Variants in EFNA5 observed in about 807,000 individuals in gnomAD.
The protein encoded by EFNA5 is ephrin A5.
A neutral mutation model predicts 22.9 loss-of-function variants in EFNA5; 5 were observed. That is an observed-to-expected ratio of 0.22 (90% CI 0.11 to 0.46). The LOEUF is 0.46. Ranked by LOEUF, EFNA5 falls within the 20% of genes least tolerant of loss-of-function variation. EFNA5 has a pLI of 0.99. For synonymous variants in EFNA5, 113 were observed against 112.2 expected (o/e 1.01, Z -0.04); for missense variants, 237 against 293.3 (o/e 0.81, Z 1.40).
chr5:107,411,309 T>C (rs1157134649), intron 2 of EFNA5, among the ~76,000 whole-genome samples: 1 of 152,178 alleles, frequency 6.6e-6, no homozygotes, highest in African/African-American at 2.4e-5. Context: ...ACTACCTAAC[T>C]TCCTTAGGCT....
At chr5:107,546,677 C>A (rs1157013182) in intron 1 of EFNA5, among the ~76,000 whole-genome samples, 2 of 123,916 alleles carry the variant, frequency 1.6e-5, no homozygotes, top group South Asian at 2.4e-4. Flanking sequence ...CACACACACA[C>A]ACACACACAC....
rs572485818 is a variant in EFNA5 at position 107,589,208 on chromosome 5, C to T, written c.125+81281G>A. ...CTGAATTATGCTTGACAAGGGAAAGCAGGATGACTGAATTAAGATAACTAC... is the reference window on the plus strand; with the variant it reads ...CTGAATTATGCTTGACAAGGGAAAGTAGGATGACTGAATTAAGATAACTAC... On this transcript the variant is annotated intron_variant, in intron 1 of 4. Coordinates refer to ENST00000333274, the MANE Select transcript of EFNA5 (RefSeq NM_001962.3). Among the ~76,000 whole-genome samples, 247 of 152,288 alleles carry T rather than the reference C, an allele frequency of 1.6e-3. 2 individuals carry two copies. Among genetic ancestry groups the T allele is most frequent in the African/African-American group, 5.8e-3 (240 of 41,564 alleles).
At chr5:107,472,930 C>G (rs1750183840) in intron 1 of EFNA5, among the ~76,000 whole-genome samples, 1 of 152,136 alleles carries the variant, frequency 6.6e-6, no homozygotes, top group Non-Finnish European at 1.5e-5. Context: ...GATATTTGAA[C>G]AAACCTTTGA....
intron 1 of EFNA5, among the ~76,000 whole-genome samples, chr5:107,597,961 T>C (rs1402204577): frequency 6.6e-6 from 1 of 152,180 alleles, no homozygotes; most frequent in Non-Finnish European, 1.5e-5. Context: ...CACACTAACA[T>C]GGATCTCTAA....
In EFNA5 at chr5:107,666,138, C is replaced by T. The variant is rs573513366; in HGVS notation, c.125+4351G>A. ...CTCATTCAAGACCAAGATAAACTTT[C>T]AATCTTTACTCACAACAAATTCTTA... On this transcript the variant is annotated intron_variant, in intron 1 of 4. Transcript: ENST00000333274. 9.4e-4 allele frequency among the ~76,000 whole-genome samples: 143 copies of T among 152,238 alleles called. 1 individual carries two copies. The highest frequency in any genetic ancestry group is 3.4e-3 in the African/African-American group (143 of 41,560).
chr5:107,455,254 G>A (rs1749667156), intron 1 of EFNA5, among the ~76,000 whole-genome samples: 1 of 152,150 alleles, frequency 6.6e-6, no homozygotes, highest in Non-Finnish European at 1.5e-5. Flanking sequence ...TTCATCTGGT[G>A]TACTTGCCAT....
intron 1 of EFNA5, among the ~76,000 whole-genome samples, chr5:107,582,823 CAGATT>C (rs1187349111): frequency 6.6e-6 from 1 of 151,724 alleles, no homozygotes; most frequent in East Asian, 1.9e-4. Flanking sequence ...CTACTCTCAC[CAGATT>C]AATGTCAATA....
chr5:107,502,775 A>G (rs567355765), intron 1 of EFNA5, among the ~76,000 whole-genome samples: 3 of 152,288 alleles, frequency 2.0e-5, no homozygotes, highest in Non-Finnish European at 2.9e-5. Flanking sequence ...ACTCGCAGGC[A>G]TACGACACTC....
In EFNA5 at chr5:107,605,551, C is replaced by T. The variant is rs536908889; in HGVS notation, c.125+64938G>A. ...CAAATGGTACATCCTGTTGCTATTA[C>T]GACCTTTACCCCCACCCCCCGCCAC... On this transcript the variant is annotated intron_variant, in intron 1 of 4. Transcript: ENST00000333274. Among the ~76,000 whole-genome samples, 13 of 152,134 alleles carry T rather than the reference C, an allele frequency of 8.5e-5. 3 individuals are homozygous for T. The highest frequency in any genetic ancestry group is 2.4e-4 in the African/African-American group (10 of 41,526).
intron 1 of EFNA5, among the ~76,000 whole-genome samples, chr5:107,470,570 T>A (rs767460429): frequency 2.6e-5 from 4 of 152,346 alleles, no homozygotes; most frequent in Non-Finnish European, 5.9e-5. Context: ...TGAAGTTTTC[T>A]CCTAATGATG....
chr5:107,587,468 C>T (rs1014691105), intron 1 of EFNA5, among the ~76,000 whole-genome samples: 1 of 152,184 alleles, frequency 6.6e-6, no homozygotes, highest in Non-Finnish European at 1.5e-5. Flanking sequence ...AGTTATCATG[C>T]TCTAAGACAA....
chr5:107,448,725 G>A (rs1222505528), intron 1 of EFNA5, among the ~76,000 whole-genome samples: 1 of 151,868 alleles, frequency 6.6e-6, no homozygotes, highest in Non-Finnish European at 1.5e-5. Flanking sequence ...AGCTACTTGA[G>A]AGGCTGAGGC....
At chr5:107,453,937 A>T (rs1227292062) in intron 1 of EFNA5, among the ~76,000 whole-genome samples, 1 of 122,928 alleles carries the variant, frequency 8.1e-6, no homozygotes, top group Non-Finnish European at 1.6e-5. Flanking sequence ...TGCAAACTGA[A>T]GGAGTGTGAG....
intron 1 of EFNA5, among the ~76,000 whole-genome samples, chr5:107,620,980 T>A (rs1011178408): frequency 6.6e-6 from 1 of 151,980 alleles, no homozygotes; most frequent in Non-Finnish European, 1.5e-5. Context: ...GAATGGAACA[T>A]TAGGGAAGGG....
At chr5:107,556,629 C>A (rs1354477155) in intron 1 of EFNA5, among the ~76,000 whole-genome samples, 2 of 151,812 alleles carry the variant, frequency 1.3e-5, no homozygotes, top group Non-Finnish European at 2.9e-5. Context: ...ACCTGTAATC[C>A]CAGCTACTCA....
rs1248163062 is a variant in EFNA5 at position 107,412,637 on chromosome 5, C to T, written c.418+14580G>A. 3.3e-5 allele frequency among the ~76,000 whole-genome samples: 5 copies of T among 152,242 alleles called. No homozygotes were observed. In the East Asian group the frequency reaches 5.8e-4, roughly 18 times the overall value. On this transcript the variant is annotated intron_variant, in intron 2 of 4. Transcript: ENST00000333274. ...TGCACAAAACCTGCCAACAGACAGG[C>T]AATTTTCTAGTTAGCCCTTGAAAAT...
Position 107,548,413 on chromosome 5 carries a change from C to T in EFNA5, c.126-120904G>A, listed in dbSNP as rs540236200. ...AAAATATTTTTTTCCTGAAATTTTG[C>T]TTCACATTTAATATGATTATTTTTA... On this transcript the variant is annotated intron_variant, in intron 1 of 4. Coordinates refer to ENST00000333274, the MANE Select transcript of EFNA5 (RefSeq NM_001962.3). Among the ~76,000 whole-genome samples the T allele has an allele frequency of 2.0e-5, 3 of 152,234 alleles. No individual in the cohort carries two copies. In the South Asian group the frequency reaches 6.2e-4, roughly 32 times the overall value.
intron 1 of EFNA5, among the ~76,000 whole-genome samples, chr5:107,482,753 C>G (rs950064199): frequency 3.3e-5 from 5 of 151,746 alleles, no homozygotes; most frequent in Non-Finnish European, 7.4e-5. Context: ...TCAATCATCC[C>G]ACAGGCTTTG....
Position 107,540,908 on chromosome 5 carries a change from AC to A in EFNA5, c.126-113400del, listed in dbSNP as rs1182981140. ...GAGGCGGGTGGATCAGGAGTTCGAG[AC>A]CAGCCTGGCCAACATGGTGAAGCCC... On this transcript the variant is annotated intron_variant, in intron 1 of 4. Coordinates refer to ENST00000333274, the MANE Select transcript of EFNA5 (RefSeq NM_001962.3). Among the ~76,000 whole-genome samples, 7 of 152,300 alleles carry A rather than the reference AC, an allele frequency of 4.6e-5. 1 individual carries two copies. The Middle Eastern group carries it at 0.01, about 222-fold the overall frequency.
Sources: allele counts gnomAD v4.1 joint callset (sites outside exome capture counted in the v4.1 genomes callset), GRCh38; gene constraint gnomAD v4.1.1; transcripts MANE v1.5; gene names NCBI Gene and HGNC (gene_info 2026-07-23, HGNC 2026-07-21).